CIART: variants seen among roughly 807,000 people sequenced by gnomAD.
The protein encoded by CIART is circadian-associated transcriptional repressor.
CIART carries 7 observed loss-of-function variants against 22.1 expected under a neutral mutation model. The observed-to-expected ratio is 0.32, with a 90% CI of 0.18 to 0.59. The LOEUF (loss-of-function observed/expected upper bound fraction) is 0.59. CIART is among the 20% of genes least tolerant of loss of function. The probability of loss-of-function intolerance (pLI) is 0.86; values close to 1 mark genes in which losing one functional copy is unlikely to be tolerated. For synonymous variants in CIART, 163 were observed against 174.6 expected (o/e 0.93, Z 0.53); for missense variants, 440 against 478.0 (o/e 0.92, Z 0.74).
At chr1:150,283,934 C>G in intron 2 of CIART, 54 bp downstream of exon 2, 1 of 1,392,196 alleles carries the variant, frequency 7.2e-7, no homozygotes, top group East Asian at 2.3e-5. Flanking sequence ...TTCTCTTTCC[C>G]TCTTTTGACG....
Position 150,284,726 on chromosome 1 carries a change from C to A in CIART, c.633+18C>A. 1.3e-6 allele frequency: 2 copies of A among 1,564,600 alleles called. No individual in the cohort carries two copies. Among genetic ancestry groups the A allele is most frequent in the Non-Finnish European group, 1.8e-6 (2 of 1,136,648 alleles). ...TGACCAAGGTAAGAACTTAAGAACA[C>A]GAGGAAGAGGTGGGAAAATAGCCAA... On this transcript the variant is annotated intron_variant, in intron 4 of 4. Coordinates refer to ENST00000290363, the MANE Select transcript of CIART (RefSeq NM_144697.4).
Position 150,283,819 on chromosome 1 carries a change from AGGATT to A in CIART, c.382_386del (p.Gly128TyrfsTer17). ...TTTTCCTACAGTGTAAAGAACTCCAAGGATTTATACCTCCTCTCACAGACCTACTC... is the reference window on the plus strand; with the variant it reads ...TTTTCCTACAGTGTAAAGAACTCCAATATACCTCCTCTCACAGACCTACTC... On this transcript the variant is annotated frameshift_variant, in exon 2 of 5. Coordinates refer to ENST00000290363, the MANE Select transcript of CIART (RefSeq NM_144697.4). LOFTEE classifies it high-confidence loss of function. 6.3e-7 allele frequency: 1 copy of A among 1,595,202 alleles called. No homozygotes were observed. Among genetic ancestry groups the A allele is most frequent in the South Asian group, 1.1e-5 (1 of 90,584 alleles).
At position 150,283,699 on chromosome 1, in the gene CIART, C is replaced by G. The variant is rs1459732081; in HGVS notation, c.366+66C>G. The G allele has an allele frequency of 2.5e-6, 4 of 1,576,034 alleles. No individual in the cohort carries two copies. In the African/African-American group the frequency reaches 5.4e-5, roughly 21 times the overall value. The stretch of plus-strand genomic sequence containing the variant: ...TTAGCACCCAGCTGGTTGATAAGGA[C>G]CCTGTGAGGACAGTATTGACTCCCA... On this transcript the variant is annotated intron_variant, in intron 1 of 4. Coordinates refer to ENST00000290363, the MANE Select transcript of CIART (RefSeq NM_144697.4).
At chr1:150,285,259 C>T (rs992731126) in intron 4 of CIART, 3 of 155,646 alleles carry the variant, frequency 1.9e-5, no homozygotes, top group African/African-American at 4.8e-5. Flanking sequence ...TATTTTCAGC[C>T]GGGAGCGGTG....
At chr1:150,283,932 C>T in intron 2 of CIART, 52 bp downstream of exon 2, 1 of 1,410,116 alleles carries the variant, frequency 7.1e-7, no homozygotes, top group Non-Finnish European at 1.0e-6. Flanking sequence ...CTTTCTCTTT[C>T]CCTCTTTTGA....
At chr1:150,286,340 C>T in intron 4 of CIART, 90 bp from the exon 5 acceptor site, 2 of 1,211,924 alleles carry the variant, frequency 1.7e-6, no homozygotes, top group East Asian at 2.3e-5. Flanking sequence ...AAACTGAGTT[C>T]CCAAGGAATG....
In CIART at chr1:150,286,803, A is replaced by G. The variant is rs782669189; in HGVS notation, c.1007A>G (p.Tyr336Cys). 2 of 1,613,712 alleles carry G rather than the reference A, an allele frequency of 1.2e-6. No homozygotes were observed. The highest frequency in any genetic ancestry group is 1.7e-6 in the Non-Finnish European group (2 of 1,179,710). ...CTATCTGGAGAGGGTCCTCGTTGCT[A>G]CAGTTTGCCAGTAACTCTGCCATCA... ...MKLSGEGPRC[Y>C]SLPVTLPSDW... Residue 336 changes from tyrosine to cysteine, a missense_variant, in exon 5 of 5, where the codon TAC (tyrosine) becomes TGC (cysteine). Physicochemically the swap from Tyr to Cys is radical, Grantham distance 194. Transcript: ENST00000290363.
Position 150,284,620 on chromosome 1 carries a change from T to C in CIART, c.545T>C (p.Leu182Pro). 6.2e-7 allele frequency: 1 copy of C among 1,613,668 alleles called. No homozygotes were observed. Among genetic ancestry groups the C allele is most frequent in the Non-Finnish European group, 8.5e-7 (1 of 1,179,574 alleles). ...QMGERYLGTLLQVEGMLKTWF... is the reference protein window; with the variant it reads ...QMGERYLGTLPQVEGMLKTWF... ...AGGGAACGTTACCTAGGAACCTTGC[T>C]ACAGGTAGAAGGGATGTTAAAGACT... The change falls in exon 4 of 5, where the codon CTA (leucine) becomes CCA (proline). Residue 182 changes from leucine to proline, a missense_variant. By Grantham distance (98) the Leu-to-Pro change is moderately conservative (BLOSUM62 -3). Coordinates refer to ENST00000290363, the MANE Select transcript of CIART (RefSeq NM_144697.4).
Position 150,286,745 on chromosome 1 carries a change from G to A in CIART, c.949G>A (p.Ala317Thr). ...APTTPVPPTT[A>T]SPVIPGEPMK... ...AACCACCCCAGTCCCACCTACTACA[G>A]CATCTCCTGTCATCCCTGGTGAGCC... Residue 317 changes from alanine (A) to threonine (T), a missense_variant, in exon 5 of 5, where the codon GCA becomes ACA. Ala to Thr is a moderately conservative substitution (Grantham distance 58). Transcript: ENST00000290363. 6.2e-7 allele frequency: 1 copy of A among 1,612,662 alleles called. No homozygotes were observed. Among genetic ancestry groups the A allele is most frequent in the Non-Finnish European group, 8.5e-7 (1 of 1,178,762 alleles).
In CIART at chr1:150,282,835, T is replaced by G. The variant is rs1653214619; in HGVS notation, c.-433T>G. 6.5e-6 allele frequency: 1 copy of G among 153,854 alleles called. No individual in the cohort carries two copies. Among genetic ancestry groups the G allele is most frequent in the African/African-American group, 2.4e-5 (1 of 41,442 alleles). The allele number at this position is 153,854 out of a possible 1,614,324, so 9.5% of individuals were successfully genotyped here. A position where few individuals can be genotyped will look rare whatever the true frequency, so the allele number is the denominator to read the frequency against. ...CGTAGGATCACCAGGTGGGTTCGCGTGCCCAGATTGACTGCTTGTGGGTGG... is the reference window on the plus strand; with the variant it reads ...CGTAGGATCACCAGGTGGGTTCGCGGGCCCAGATTGACTGCTTGTGGGTGG... On this transcript the variant is annotated 5_prime_UTR_variant, in exon 1 of 5. Coordinates refer to ENST00000290363, the MANE Select transcript of CIART (RefSeq NM_144697.4).
Position 150,287,049 on chromosome 1 carries a change from G to T in CIART, c.*95G>T. On this transcript the variant is annotated 3_prime_UTR_variant, in exon 5 of 5. Transcript: ENST00000290363. ...TATTAATGTGTGCATTTGTGTTGAGGGAAGATAAATCCTTTCTGATTAAAG... is the reference window on the plus strand; with the variant it reads ...TATTAATGTGTGCATTTGTGTTGAGTGAAGATAAATCCTTTCTGATTAAAG... The T allele has an allele frequency of 3.3e-6, 4 of 1,216,448 alleles. No individual in the cohort carries two copies. Among genetic ancestry groups the T allele is most frequent in the East Asian group, 2.8e-5 (1 of 35,364 alleles). 75.4% of individuals were successfully genotyped at this position (1,216,448 alleles called of 1,614,324 possible).
rs1653265764 is a variant in CIART at position 150,283,370 on chromosome 1, G to A, written c.103G>A (p.Glu35Lys). ...TGACTTTGGCTTCCCCTCTGATAGT[G>A]AGAGGGAGGACAAGGGGGCCCATGG... Reference protein sequence around the residue: ...NSDFGFPSDSEREDKGAHGPR... With the variant: ...NSDFGFPSDSKREDKGAHGPR... The change falls in exon 1 of 5, where the codon GAG becomes AAG. Residue 35 changes from glutamate (E) to lysine (K), a missense_variant. Physicochemically the swap from Glu to Lys is moderately conservative, Grantham distance 56. Transcript: ENST00000290363. 6.2e-7 allele frequency: 1 copy of A among 1,600,502 alleles called. No homozygotes were observed. Among genetic ancestry groups the A allele is most frequent in the East Asian group, 2.2e-5 (1 of 44,712 alleles).
chr1:150,286,729 A>G lies in CIART; in HGVS notation c.933A>G (p.Pro311=). 1 of 1,613,234 alleles carries G rather than the reference A, an allele frequency of 6.2e-7. No individual in the cohort carries two copies. Among genetic ancestry groups the G allele is most frequent in the South Asian group, 1.1e-5 (1 of 91,066 alleles). The change falls in exon 5 of 5, where the codon CCA becomes CCG. Residue 311 remains proline (P), a synonymous_variant. Coordinates refer to ENST00000290363, the MANE Select transcript of CIART (RefSeq NM_144697.4). ...TCACCCACTCTGCCCCAACCACCCC[A>G]GTCCCACCTACTACAGCATCTCCTG... is the stretch of plus-strand genomic sequence containing the variant. ...QPFTHSAPTT[P]VPPTTASPVI... is the part of the protein sequence containing the mutation.
intron 2 of CIART, 84 bp downstream of exon 2, chr1:150,283,964 T>C (rs1409051740): frequency 1.1e-5 from 11 of 1,002,106 alleles, no homozygotes; most frequent in Non-Finnish European, 1.7e-5. Context: ...CTGAAGTTCT[T>C]GTTTGGGGCC....
chr1:150,283,341 A>C lies in CIART; in HGVS notation c.74A>C (p.Asn25Thr), dbSNP rs1301779249. The change falls in exon 1 of 5, where the codon AAC (asparagine) becomes ACC (threonine). Residue 25 changes from asparagine to threonine, a missense_variant. By Grantham distance (65) the Asn-to-Thr change is moderately conservative (BLOSUM62 0). Coordinates refer to ENST00000290363, the MANE Select transcript of CIART (RefSeq NM_144697.4). ...LSSSFPTSPV[N>T]SDFGFPSDSE... ...TCGTCTTTTCCCACCTCCCCAGTGA[A>C]CAGTGACTTTGGCTTCCCCTCTGAT... 1.1e-5 allele frequency: 17 copies of C among 1,571,186 alleles called. No individual in the cohort carries two copies. The highest frequency in any genetic ancestry group is 1.4e-5 in the Non-Finnish European group (16 of 1,159,834).
rs928231888 is a variant in CIART at position 150,283,299 on chromosome 1, C to A, written c.32C>A (p.Ser11Tyr). ...TCTCCATCTAGCGTTTCTTCCTATT[C>A]CTCCTACTCTCTCTCTTCGTCTTTT... MDSPSSVSSY[S>Y]SYSLSSSFPT... The change falls in exon 1 of 5, where the codon TCC becomes TAC. Residue 11 changes from serine (S) to tyrosine (Y), a missense_variant. Transcript: ENST00000290363. 3 of 1,526,626 alleles carry A rather than the reference C, an allele frequency of 2.0e-6. No homozygotes were observed. The African/African-American group carries it at 4.2e-5, about 21-fold the overall frequency. The allele number at this position is 1,526,626 out of a possible 1,614,324, so 94.6% of individuals were successfully genotyped here.
At chr1:150,284,733 G>C (rs781811347) in intron 4 of CIART, 25 bp downstream of exon 4, 1 of 1,547,664 alleles carries the variant, frequency 6.5e-7, no homozygotes, top group South Asian at 1.1e-5. Flanking sequence ...ACACGAGGAA[G>C]AGGTGGGAAA....
rs1653275220 is a variant in CIART at position 150,283,464 on chromosome 1, A to G, written c.197A>G (p.His66Arg). The G allele has an allele frequency of 3.1e-6, 5 of 1,613,738 alleles. No homozygotes were observed. The highest frequency in any genetic ancestry group is 4.5e-5 in the East Asian group (2 of 44,848). ...RPSPGPIRCR[H>R]RSKVSGNQHT... The stretch of plus-strand genomic sequence containing the variant: ...AGCCCGGGTCCTATCCGCTGCAGGC[A>G]TCGATCGAAGGTTTCCGGTAACCAG... Residue 66 changes from histidine (H) to arginine (R), a missense_variant, in exon 1 of 5, where the codon CAT (histidine) becomes CGT (arginine). By Grantham distance (29) the His-to-Arg change is conservative. Coordinates refer to ENST00000290363, the MANE Select transcript of CIART (RefSeq NM_144697.4).
intron 4 of CIART, chr1:150,285,045 CTT>C: frequency 6.8e-6 from 2 of 295,968 alleles, no homozygotes; most frequent in South Asian, 7.4e-5. Context: ...TCTGCAAACT[CTT>C]TTTTCCCTAC....
Sources: gnomAD v4.1 joint callset for allele counts on GRCh38, gnomAD v4.1.1 for gene constraint, MANE v1.5 for transcripts, NCBI Gene and HGNC (gene_info 2026-07-23, HGNC 2026-07-21) for gene names.